The following EPB41L2 variants were observed in gnomAD, a reference collection of about 807,000 sequenced individuals.
The protein encoded by EPB41L2 is band 4.1-like protein 2.
Under a neutral mutation model 113.0 loss-of-function variants are expected in EPB41L2, and 43 were observed. The observed-to-expected ratio is 0.38, with a 90% CI of 0.30 to 0.49. EPB41L2 has a LOEUF of 0.49. Among genes scored for constraint, EPB41L2 ranks in the 20% least tolerant of loss-of-function variants. EPB41L2 has a pLI of 0.95. For missense variants in EPB41L2, 1,147 were observed against 1,223.4 expected (o/e 0.94, Z 0.93); for synonymous variants, 442 against 436.7 (o/e 1.01, Z -0.15).
chr6:130,846,102 T>A (rs903026689), intron 19 of EPB41L2, among the ~76,000 whole-genome samples: 1 of 152,194 alleles, frequency 6.6e-6, no homozygotes, highest in Admixed American at 6.5e-5. Flanking sequence ...AGGTGAACAT[T>A]AGAATTTGGA....
At chr6:130,966,440 C>T (rs1775206739) in intron 1 of EPB41L2, among the ~76,000 whole-genome samples, 1 of 152,188 alleles carries the variant, frequency 6.6e-6, no homozygotes. Context: ...CTTATACAGA[C>T]ATCACATCTT....
At chr6:130,842,491 A>G (rs954469780) in intron 19 of EPB41L2, among the ~76,000 whole-genome samples, 7 of 152,110 alleles carry the variant, frequency 4.6e-5, no homozygotes, top group African/African-American at 1.4e-4. Context: ...TTTAGTAAAT[A>G]TGCATCATTT....
chr6:130,946,549 C>T (rs1013498381), intron 3 of EPB41L2, among the ~76,000 whole-genome samples: 3 of 151,648 alleles, frequency 2.0e-5, no homozygotes, highest in African/African-American at 7.3e-5. Context: ...TTATCTAATT[C>T]CTGAAGTTTA....
intron 1 of EPB41L2, among the ~76,000 whole-genome samples, chr6:131,038,385 T>C (rs1045895143): frequency 6.6e-6 from 1 of 152,200 alleles, no homozygotes; most frequent in Non-Finnish European, 1.5e-5. Context: ...ACAGAAATGA[T>C]GAATCAAATT....
intron 1 of EPB41L2, among the ~76,000 whole-genome samples, chr6:130,976,182 G>A (rs751423173): frequency 3.3e-5 from 5 of 152,122 alleles, no homozygotes; most frequent in South Asian, 4.2e-4. Flanking sequence ...CTTCCCAGTC[G>A]GTCTATAAAA....
intron 1 of EPB41L2, among the ~76,000 whole-genome samples, chr6:130,986,205 G>A (rs1780519911): frequency 6.6e-6 from 1 of 152,082 alleles, no homozygotes; most frequent in African/African-American, 2.4e-5. Flanking sequence ...AAACCAAGCA[G>A]GGGAACCCAC....
intron 14 of EPB41L2, among the ~76,000 whole-genome samples, chr6:130,871,606 C>T (rs1235200725): frequency 6.6e-6 from 1 of 152,168 alleles, no homozygotes; most frequent in Non-Finnish European, 1.5e-5. Context: ...CTCTCTTGGA[C>T]CTGCCCTATT....
chr6:130,980,683 A>C (rs1057279246), intron 1 of EPB41L2, among the ~76,000 whole-genome samples: 1 of 152,240 alleles, frequency 6.6e-6, no homozygotes, highest in Non-Finnish European at 1.5e-5. Context: ...ATACCACACC[A>C]GAATGGAGCT....
chr6:130,974,045 T>A (rs1318420782), intron 1 of EPB41L2, among the ~76,000 whole-genome samples: 1 of 152,144 alleles, frequency 6.6e-6, no homozygotes, highest in Non-Finnish European at 1.5e-5. Flanking sequence ...CTTCTCTTAC[T>A]CTCTTACTCT....
At chr6:130,881,215 TA>T (rs959196689) in intron 12 of EPB41L2, 19 of 152,214 alleles carry the variant, frequency 1.2e-4, no homozygotes, top group African/African-American at 4.3e-4. Flanking sequence ...ATTTAACCTT[TA>T]TAGGTTAATT....
chr6:131,006,138 C>A (rs1358397115), intron 1 of EPB41L2, among the ~76,000 whole-genome samples: 1 of 151,970 alleles, frequency 6.6e-6, no homozygotes, highest in African/African-American at 2.4e-5. Context: ...CTCACTGCAA[C>A]CTCTGCCTCC....
Position 130,879,522 on chromosome 6 carries a change from C to T in EPB41L2, c.1896+622G>A, listed in dbSNP as rs779914621. Among the ~76,000 whole-genome samples, 11 of 152,162 alleles carry T rather than the reference C, an allele frequency of 7.2e-5. No individual in the cohort carries two copies. In the East Asian group the frequency reaches 2.1e-3, roughly 29 times the overall value. On this transcript the variant is annotated intron_variant, in intron 13 of 19. Transcript: ENST00000337057. Reference sequence around the variant, plus strand: ...AAGAAGGGAAAAAAAAATGTTCTCACGTGACACGGGGAACATATTTTACAC... The same window carrying T: ...AAGAAGGGAAAAAAAAATGTTCTCATGTGACACGGGGAACATATTTTACAC...
At chr6:131,001,946 A>G (rs1321288269) in intron 1 of EPB41L2, among the ~76,000 whole-genome samples, 2 of 152,236 alleles carry the variant, frequency 1.3e-5, no homozygotes, top group Non-Finnish European at 1.5e-5. Flanking sequence ...CTGTGGAAGA[A>G]TATTTCCAAG....
intron 8 of EPB41L2, 120 bp downstream of exon 8, chr6:130,899,371 C>A: frequency 1.3e-6 from 1 of 751,536 alleles, no homozygotes; most frequent in Admixed American, 2.3e-5. Flanking sequence ...TCCAGAGACC[C>A]TCAATTGAAA....
chr6:131,034,274 G>C (rs1222041024), intron 1 of EPB41L2, among the ~76,000 whole-genome samples: 1 of 152,080 alleles, frequency 6.6e-6, no homozygotes, highest in Admixed American at 6.6e-5. Context: ...GGGGTTGGGG[G>C]GGACAGTATA....
chr6:130,984,560 T>C (rs1377147702), intron 1 of EPB41L2, among the ~76,000 whole-genome samples: 1 of 152,242 alleles, frequency 6.6e-6, no homozygotes, highest in Non-Finnish European at 1.5e-5. Context: ...ATGTGGTCTG[T>C]TGTTGACCAA....
chr6:130,887,619 TCTCCCTC>T (rs1308276747), intron 11 of EPB41L2, among the ~76,000 whole-genome samples: 4 of 152,204 alleles, frequency 2.6e-5, no homozygotes, highest in African/African-American at 9.7e-5. Flanking sequence ...TGTATCCAGC[TCTCCCTC>T]ACCTTATAGC....
Position 130,886,661 on chromosome 6 carries a change from T to C in EPB41L2, c.1661-1393A>G, listed in dbSNP as rs533615653. ...GTTGTTGTTTGTTTTTGAGACACAGTCTCGCTCTGTCACCCAGGCTGGAGT... is the reference window on the plus strand; with the variant it reads ...GTTGTTGTTTGTTTTTGAGACACAGCCTCGCTCTGTCACCCAGGCTGGAGT... On this transcript the variant is annotated intron_variant, in intron 11 of 19. Transcript: ENST00000337057. Among the ~76,000 whole-genome samples the C allele has an allele frequency of 5.9e-5, 9 of 152,214 alleles. No homozygotes were observed. The East Asian group carries it at 1.5e-3, about 26-fold the overall frequency.
At chr6:131,001,621 G>T (rs1036742864) in intron 1 of EPB41L2, among the ~76,000 whole-genome samples, 3 of 151,990 alleles carry the variant, frequency 2.0e-5, no homozygotes, top group African/African-American at 7.3e-5. Context: ...AAACCTCCTG[G>T]AAAAGAACGA....
Sources: allele counts gnomAD v4.1 joint callset (sites outside exome capture counted in the v4.1 genomes callset), GRCh38; gene constraint gnomAD v4.1.1; transcripts MANE v1.5; gene names NCBI Gene and HGNC (gene_info 2026-07-23, HGNC 2026-07-21).